ROBO2: variants seen among roughly 807,000 people sequenced by gnomAD.
ROBO2 encodes the protein roundabout guidance receptor 2, also known as roundabout homolog 2.
Under a neutral mutation model 160.8 loss-of-function variants are expected in ROBO2, and 53 were observed. The observed-to-expected ratio is 0.33, with a 90% CI of 0.26 to 0.41. The LOEUF (loss-of-function observed/expected upper bound fraction) is 0.41, where lower values mean the gene tolerates loss of function less well. Ranked by LOEUF, ROBO2 falls within the 10% of genes least tolerant of loss-of-function variation. The pLI is 1.00. For missense variants in ROBO2, 1,577 were observed against 1,722.4 expected, an observed-to-expected ratio of 0.92 and a Z score of 1.49; for synonymous variants, 664 against 611.7, an observed-to-expected ratio of 1.09 and a Z score of -1.26.
intron 2 of ROBO2, among the ~76,000 whole-genome samples, chr3:77,210,002 T>C (rs887738898): frequency 2.6e-5 from 4 of 152,296 alleles, no homozygotes; most frequent in Non-Finnish European, 4.4e-5. Flanking sequence ...TCTGTGTTTC[T>C]CTAGGCTGTT....
intron 2 of ROBO2, among the ~76,000 whole-genome samples, chr3:76,144,758 T>C (rs1178985152): frequency 2.6e-5 from 4 of 152,022 alleles, no homozygotes; most frequent in Non-Finnish European, 2.9e-5. Context: ...TGGATGAACT[T>C]CAGCTGGGTC....
intron 1 of ROBO2, among the ~76,000 whole-genome samples, chr3:77,065,563 G>A (rs2066753998): frequency 6.6e-6 from 1 of 152,108 alleles, no homozygotes; most frequent in Non-Finnish European, 1.5e-5. Context: ...AAGATTGAGA[G>A]TACCTTAAAT....
chr3:76,315,839 A>G lies in ROBO2; in HGVS notation c.109+378237A>G, dbSNP rs553282125. ...CAATGAAATAACTTAATATTGGGGG[A>G]ACCAGCCCCCAGTATTTCAACATAG... is the stretch of plus-strand genomic sequence containing the variant. On this transcript the variant is annotated intron_variant, in intron 2 of 26. Transcript: ENST00000487694. Among the ~76,000 whole-genome samples, 3 of 152,278 alleles carry G rather than the reference A, an allele frequency of 2.0e-5. No homozygotes were observed. The South Asian group carries it at 6.2e-4, about 32-fold the overall frequency.
intron 2 of ROBO2, among the ~76,000 whole-genome samples, chr3:75,960,805 A>G (rs1171709295): frequency 6.6e-6 from 1 of 151,798 alleles, no homozygotes; most frequent in African/African-American, 2.4e-5. Context: ...AAAGAAAAAA[A>G]GAGAACTTCC....
At chr3:75,943,812 TGCCTCAGGC>T (rs1280814120) in intron 2 of ROBO2, among the ~76,000 whole-genome samples, 2 of 152,094 alleles carry the variant, frequency 1.3e-5, no homozygotes, top group Non-Finnish European at 2.9e-5. Context: ...ATGGTTCTCC[TGCCTCAGGC>T]TCCCGAGTAG....
intron 2 of ROBO2, among the ~76,000 whole-genome samples, chr3:76,111,455 C>T (rs1393323343): frequency 6.6e-6 from 1 of 152,026 alleles, no homozygotes; most frequent in African/African-American, 2.4e-5. Flanking sequence ...GGATGTTTCA[C>T]TTTGTGAGGG....
chr3:76,932,423 A>AACACACACAC (rs71104640), intron 2 of ROBO2, among the ~76,000 whole-genome samples: 3 of 150,550 alleles, frequency 2.0e-5, no homozygotes, highest in South Asian at 2.1e-4. Flanking sequence ...TATGTTTAGA[A>AACACACACAC]ACACACACAC....
intron 2 of ROBO2, among the ~76,000 whole-genome samples, chr3:76,338,691 T>G (rs2074037817): frequency 6.6e-6 from 1 of 150,534 alleles, no homozygotes; most frequent in African/African-American, 2.4e-5. Flanking sequence ...TTTTTAAAAA[T>G]TATATATATA....
intron 2 of ROBO2, among the ~76,000 whole-genome samples, chr3:76,249,888 A>G (rs532532466): frequency 6.6e-6 from 1 of 152,212 alleles, no homozygotes; most frequent in African/African-American, 2.4e-5. Flanking sequence ...CTTTACATAC[A>G]TTGGAAATCA....
intron 2 of ROBO2, among the ~76,000 whole-genome samples, chr3:77,222,147 G>A (rs1007247266): frequency 1.3e-5 from 2 of 151,924 alleles, no homozygotes; most frequent in Non-Finnish European, 2.9e-5. Context: ...CACCGTGCCC[G>A]GCCCAATGGA....
At chr3:77,345,681 A>T (rs1467190186) in intron 2 of ROBO2, among the ~76,000 whole-genome samples, 1 of 152,154 alleles carries the variant, frequency 6.6e-6, no homozygotes, top group Non-Finnish European at 1.5e-5. Flanking sequence ...AGGCACTTAA[A>T]TTAGCTGTAT....
At chr3:77,533,412 C>T (rs897474631) in intron 6 of ROBO2, among the ~76,000 whole-genome samples, 2 of 152,258 alleles carry the variant, frequency 1.3e-5, no homozygotes, top group South Asian at 2.1e-4. Context: ...GTGTTTTCTC[C>T]TAAGGGTTTC....
chr3:75,943,156 G>A lies in ROBO2; in HGVS notation c.109+5554G>A, dbSNP rs532556314. Among the ~76,000 whole-genome samples the A allele has an allele frequency of 3.3e-5, 5 of 152,178 alleles. No individual in the cohort carries two copies. The South Asian group carries it at 1.0e-3, about 32-fold the overall frequency. ...TTATAGCATATTTCATTTTTATAAGGAAAGAAGTTGATAATTTAGACTTTT... is the reference window on the plus strand; with the variant it reads ...TTATAGCATATTTCATTTTTATAAGAAAAGAAGTTGATAATTTAGACTTTT... On this transcript the variant is annotated intron_variant, in intron 2 of 26. Transcript: ENST00000487694.
rs918140909 is a variant in ROBO2, at chr3:76,019,170, G to T, written c.109+81568G>T. Among the ~76,000 whole-genome samples, 12 of 151,826 alleles carry T rather than the reference G, an allele frequency of 7.9e-5. No homozygotes were observed. The South Asian group carries it at 1.0e-3, about 13-fold the overall frequency. On this transcript the variant is annotated intron_variant, in intron 2 of 26. Coordinates refer to the ROBO2 transcript ENST00000487694. Reference sequence around the variant, plus strand: ...TATTTGCATTATGGTCTCCCCACATGGTTAGGTTTTCTCTGAAGTTCCGTA... The same window carrying T: ...TATTTGCATTATGGTCTCCCCACATTGTTAGGTTTTCTCTGAAGTTCCGTA...
Position 76,419,440 on chromosome 3 carries a change from C to CTT in ROBO2, c.109+481849_109+481850dup, listed in dbSNP as rs11435799. ...ACCAATGGAAATGGGTTACAAACATCTTTTTTTTTTTTAAATTTAACCTGG... is the reference window on the plus strand; with the variant it reads ...ACCAATGGAAATGGGTTACAAACATCTTTTTTTTTTTTTTAAATTTAACCTGG... On this transcript the variant is annotated intron_variant, in intron 2 of 26. Coordinates refer to the ROBO2 transcript ENST00000487694. 1.9e-3 allele frequency among the ~76,000 whole-genome samples: 284 copies of CTT among 146,486 alleles called. 2 individuals are homozygous for CTT. Among genetic ancestry groups the CTT allele is most frequent in the Middle Eastern group, 7.0e-3 (2 of 284 alleles).
At chr3:77,446,950 T>C (rs1485575208) in intron 2 of ROBO2, among the ~76,000 whole-genome samples, 1 of 152,074 alleles carries the variant, frequency 6.6e-6, no homozygotes, top group East Asian at 1.9e-4. Flanking sequence ...CAAATCACTT[T>C]CACTGTGAAA....
chr3:77,347,443 T>C (rs1380962419), intron 2 of ROBO2, among the ~76,000 whole-genome samples: 2 of 151,886 alleles, frequency 1.3e-5, no homozygotes, highest in Non-Finnish European at 1.5e-5. Context: ...ACCGTATAAT[T>C]CCCATCAGCA....
At chr3:76,742,319 G>T (rs892408364) in intron 2 of ROBO2, among the ~76,000 whole-genome samples, 3 of 152,084 alleles carry the variant, frequency 2.0e-5, no homozygotes, top group Non-Finnish European at 4.4e-5. Context: ...TATAAATCTT[G>T]CATTCTTATA....
chr3:77,601,792 T>C (rs966436055), intron 19 of ROBO2, among the ~76,000 whole-genome samples: 3 of 152,222 alleles, frequency 2.0e-5, no homozygotes, highest in African/African-American at 7.2e-5. Flanking sequence ...TATTTAGCAG[T>C]TGTAGTCCAT....
Sources: gnomAD v4.1 joint callset for allele counts (sites outside exome capture counted in the v4.1 genomes callset) on GRCh38, gnomAD v4.1.1 for gene constraint, MANE v1.5 for transcripts, NCBI Gene and HGNC (gene_info 2026-07-23, HGNC 2026-07-21) for gene names.